Variants in BEND7 observed in about 807,000 individuals in gnomAD.
The protein encoded by BEND7 is BEN domain-containing protein 7.
In BEND7, 28 loss-of-function variants were observed where a neutral mutation model predicts 50.9. The ratio of observed to expected loss-of-function variants is 0.55; its 90% confidence interval spans 0.41 to 0.75. BEND7 has a LOEUF of 0.75. BEND7 is among the 30% of genes least tolerant of loss of function. The pLI, the probability that BEND7 is intolerant of heterozygous loss-of-function variation, is 0.00. For missense variants in BEND7, 477 were observed against 491.3 expected (o/e 0.97, Z 0.28); for synonymous variants, 170 against 183.9 (o/e 0.92, Z 0.61).
At chr10:13,444,216 G>C (rs1020784650) in intron 8 of BEND7, 1 of 152,084 alleles carries the variant, frequency 6.6e-6, no homozygotes, top group Non-Finnish European at 1.5e-5. Flanking sequence ...CCCAACACGG[G>C]GCTGATTCTT....
chr10:13,459,191 A>G (rs570321360), intron 6 of BEND7, among the ~76,000 whole-genome samples: 1 of 151,320 alleles, frequency 6.6e-6, no homozygotes, highest in African/African-American at 2.4e-5. Flanking sequence ...GTTACTTTCA[A>G]CCTCACAAAA....
intron 2 of BEND7, among the ~76,000 whole-genome samples, chr10:13,517,589 C>T (rs901203089): frequency 1.1e-4 from 16 of 151,940 alleles, no homozygotes; most frequent in Non-Finnish European, 1.5e-5. Flanking sequence ...GCTGTCTCTA[C>T]AAAAAATAAA....
intron 6 of BEND7, among the ~76,000 whole-genome samples, chr10:13,464,869 A>C (rs1482557850): frequency 6.6e-6 from 1 of 152,214 alleles, no homozygotes; most frequent in Non-Finnish European, 1.5e-5. Context: ...TAAGCACCAA[A>C]AGCTATCTTT....
At chr10:13,524,390 C>G (rs2079290248) in intron 2 of BEND7, among the ~76,000 whole-genome samples, 1 of 152,150 alleles carries the variant, frequency 6.6e-6, no homozygotes. Flanking sequence ...CGCCTGTAAT[C>G]CCAGCACTTT....
At chr10:13,487,852 C>T (rs776576542) in intron 5 of BEND7, among the ~76,000 whole-genome samples, 14 of 151,856 alleles carry the variant, frequency 9.2e-5, no homozygotes, top group African/African-American at 1.5e-4. Context: ...CAGCACTTTG[C>T]GAGGACGAGG....
intron 2 of BEND7, among the ~76,000 whole-genome samples, chr10:13,507,102 A>G (rs2077952096): frequency 6.6e-6 from 1 of 152,066 alleles, no homozygotes; most frequent in African/African-American, 2.4e-5. Context: ...GGTCATGGAT[A>G]ATTTAGGGGG....
chr10:13,496,267 C>G (rs1442631261), intron 4 of BEND7, among the ~76,000 whole-genome samples: 2 of 152,252 alleles, frequency 1.3e-5, no homozygotes, highest in South Asian at 2.1e-4. Flanking sequence ...ACTGCTCTTC[C>G]GTCCCTCAAC....
intron 5 of BEND7, among the ~76,000 whole-genome samples, chr10:13,489,408 C>A (rs777427777): frequency 6.6e-6 from 1 of 152,132 alleles, no homozygotes; most frequent in Admixed American, 6.5e-5. Flanking sequence ...GAATGGGCAC[C>A]CGCAAGTCCT....
At chr10:13,452,155 T>G (rs1837891770) in intron 7 of BEND7, among the ~76,000 whole-genome samples, 1 of 152,112 alleles carries the variant, frequency 6.6e-6, no homozygotes, top group South Asian at 2.1e-4. Context: ...TTCTTTCTTC[T>G]TTTTTTTCTA....
At chr10:13,497,513 T>C (rs373456675) in intron 3 of BEND7, among the ~76,000 whole-genome samples, 2 of 152,314 alleles carry the variant, frequency 1.3e-5, no homozygotes, top group East Asian at 3.9e-4. Flanking sequence ...TGGCTGGCTT[T>C]TCTTCAGCTT....
chr10:13,515,507 A>C (rs933686513), intron 2 of BEND7, among the ~76,000 whole-genome samples: 3 of 152,350 alleles, frequency 2.0e-5, no homozygotes, highest in Non-Finnish European at 2.9e-5. Context: ...ATTTACAAGG[A>C]TATTGGTTGT....
chr10:13,456,218 G>A (rs1375534527), intron 6 of BEND7, among the ~76,000 whole-genome samples: 1 of 152,200 alleles, frequency 6.6e-6, no homozygotes, highest in African/African-American at 2.4e-5. Context: ...GGGAGTGCAG[G>A]TGTCAATGGG....
At chr10:13,504,652 C>T (rs985876869) in intron 2 of BEND7, among the ~76,000 whole-genome samples, 9 of 152,180 alleles carry the variant, frequency 5.9e-5, no homozygotes, top group East Asian at 1.9e-4. Context: ...AGCTCTCTAG[C>T]GAGACAGGAT....
At chr10:13,490,798 G>C (rs538578735) in intron 5 of BEND7, among the ~76,000 whole-genome samples, 1 of 151,894 alleles carries the variant, frequency 6.6e-6, no homozygotes, top group Non-Finnish European at 1.5e-5. Context: ...CTATGATTTT[G>C]TTTTTTTGTT....
At chr10:13,458,792 AG>A (rs1405915603) in intron 6 of BEND7, among the ~76,000 whole-genome samples, 1 of 151,926 alleles carries the variant, frequency 6.6e-6, no homozygotes, top group African/African-American at 2.4e-5. Context: ...GCAGAGGGAG[AG>A]GGAGTCATGG....
At position 13,502,870 on chromosome 10, in the gene BEND7, C is replaced by G. The variant is rs537504830; in HGVS notation, c.146-2790G>C. On this transcript the variant is annotated intron_variant, in intron 2 of 8. Coordinates refer to ENST00000466271, the MANE Select transcript of BEND7 (RefSeq NM_001369863.1). ...TGGGGCAGATACCCACCCCGGCTCT[C>G]AAGTCCATGCCAGCTTGCTTCTCTA... 88 of 985,048 alleles carry G rather than the reference C, an allele frequency of 8.9e-5. 1 individual carries two copies. The African/African-American group carries it at 1.3e-3, about 15-fold the overall frequency. 61.0% of individuals were successfully genotyped at this position (985,048 alleles called of 1,614,324 possible). A position where few individuals can be genotyped will look rare whatever the true frequency, so the allele number is the denominator to read the frequency against.
chr10:13,508,480 A>G (rs1220638217), intron 2 of BEND7, among the ~76,000 whole-genome samples: 4 of 152,184 alleles, frequency 2.6e-5, no homozygotes, highest in African/African-American at 7.2e-5. Context: ...GCTGAATGCC[A>G]CGGAAAAGGA....
In BEND7 at chr10:13,487,675, C is replaced by T. The variant is rs897457149; in HGVS notation, c.837+4936G>A. ...TGCTAGGATTACAGGCGTGAGCCAC[C>T]GCACCTGGCCAATGGCCTCAATTTC... On this transcript the variant is annotated intron_variant, in intron 5 of 8. Coordinates refer to ENST00000466271, the MANE Select transcript of BEND7 (RefSeq NM_001369863.1). Among the ~76,000 whole-genome samples, 20 of 152,006 alleles carry T rather than the reference C, an allele frequency of 1.3e-4. 1 individual carries two copies. Among genetic ancestry groups the T allele is most frequent in the Middle Eastern group, 6.3e-3 (2 of 316 alleles).
chr10:13,474,302 C>T (rs561034739), intron 6 of BEND7, among the ~76,000 whole-genome samples: 43 of 151,104 alleles, frequency 2.8e-4, no homozygotes, highest in Non-Finnish European at 5.7e-4. Flanking sequence ...CTGTTAGATG[C>T]GGGGTCGATA....
Sources: gnomAD v4.1 joint callset for allele counts (sites outside exome capture counted in the v4.1 genomes callset) on GRCh38, gnomAD v4.1.1 for gene constraint, MANE v1.5 for transcripts, NCBI Gene and HGNC (gene_info 2026-07-23, HGNC 2026-07-21) for gene names.